The following LRRC7 variants were observed in gnomAD, a reference collection of about 807,000 sequenced individuals.
The protein encoded by LRRC7 is leucine-rich repeat-containing protein 7.
LRRC7 carries 23 observed loss-of-function variants against 175.7 expected under a neutral mutation model. That is an observed-to-expected ratio of 0.13 (90% CI 0.09 to 0.19). LRRC7 has a LOEUF of 0.19. Among genes scored for constraint, LRRC7 ranks in the 10% least tolerant of loss-of-function variants. The probability of loss-of-function intolerance (pLI) is 1.00; values close to 1 mark genes in which losing one functional copy is unlikely to be tolerated. For synonymous variants in LRRC7, 685 were observed against 680.9 expected, an observed-to-expected ratio of 1.01 and a Z score of -0.09; for missense variants, 1,354 against 1,904.7, an observed-to-expected ratio of 0.71 and a Z score of 5.38.
intron 23 of LRRC7, among the ~76,000 whole-genome samples, chr1:70,070,625 A>G (rs1662310058): frequency 6.6e-6 from 1 of 152,048 alleles, no homozygotes; most frequent in Non-Finnish European, 1.5e-5. Flanking sequence ...GGGGTGCTGC[A>G]TTGTTATGGC....
intron 1 of LRRC7, among the ~76,000 whole-genome samples, chr1:69,638,328 T>G (rs1435982154): frequency 1.3e-5 from 2 of 151,842 alleles, no homozygotes; most frequent in Non-Finnish European, 2.9e-5. Context: ...GAATAATTAA[T>G]TCAGATCTGT....
chr1:69,620,314 A>T lies in LRRC7; in HGVS notation c.2+51673A>T, dbSNP rs763298391. The stretch of plus-strand genomic sequence containing the variant: ...CTCTAATACAGTAAATATATTAGAT[A>T]TAATCCACATTTTTTAAAACAAAGC... On this transcript the variant is annotated intron_variant, in intron 1 of 26. Transcript: ENST00000651989. Among the ~76,000 whole-genome samples, 61 of 152,226 alleles carry T rather than the reference A, an allele frequency of 4.0e-4. 1 individual carries two copies. The Middle Eastern group carries it at 0.01, about 25-fold the overall frequency.
intron 1 of LRRC7, among the ~76,000 whole-genome samples, chr1:69,673,153 C>A (rs868316488): frequency 1.3e-5 from 2 of 152,052 alleles, no homozygotes; most frequent in East Asian, 1.9e-4. Context: ...TTTAGAAGCA[C>A]CTGATTAATC....
At chr1:69,985,127 G>T (rs1462290168) in intron 9 of LRRC7, among the ~76,000 whole-genome samples, 2 of 152,104 alleles carry the variant, frequency 1.3e-5, no homozygotes, top group Non-Finnish European at 2.9e-5. Flanking sequence ...TTGTCACAGG[G>T]TGTTATAATT....
chr1:69,944,083 T>C (rs1332403324), intron 8 of LRRC7, among the ~76,000 whole-genome samples: 1 of 152,004 alleles, frequency 6.6e-6, no homozygotes, highest in East Asian at 1.9e-4. Flanking sequence ...CTAGAACTTT[T>C]CTATCTTCCA....
At chr1:69,684,446 A>G (rs1400580879) in intron 2 of LRRC7, among the ~76,000 whole-genome samples, 1 of 152,172 alleles carries the variant, frequency 6.6e-6, no homozygotes, top group Non-Finnish European at 1.5e-5. Flanking sequence ...GAGAGTTGGA[A>G]GGAAGGTGAA....
intron 7 of LRRC7, among the ~76,000 whole-genome samples, chr1:69,871,968 T>C (rs908219610): frequency 4.6e-5 from 7 of 152,024 alleles, no homozygotes; most frequent in African/African-American, 1.7e-4. Flanking sequence ...TTACATTCTA[T>C]TGTGAAAATA....
intron 12 of LRRC7, 47 bp from the exon 13 acceptor site, chr1:70,012,927 A>G: frequency 1.1e-6 from 1 of 909,850 alleles, no homozygotes; most frequent in South Asian, 1.9e-5. Context: ...ATATAAAAAT[A>G]GTATTGTGGT....
chr1:69,886,616 CA>C (rs1645628634), intron 7 of LRRC7, among the ~76,000 whole-genome samples: 1 of 149,538 alleles, frequency 6.7e-6, no homozygotes, highest in South Asian at 2.1e-4. Flanking sequence ...AGCCCATTTA[CA>C]TTTAAAGTTA....
At chr1:69,916,120 T>G (rs9425144) in intron 7 of LRRC7, among the ~76,000 whole-genome samples, 5 of 140,212 alleles carry the variant, frequency 3.6e-5, no homozygotes, top group African/African-American at 1.3e-4. Flanking sequence ...ATATATATTA[T>G]ATACATATTT....
intron 1 of LRRC7, among the ~76,000 whole-genome samples, chr1:69,614,289 C>T (rs1649277519): frequency 6.6e-6 from 1 of 152,032 alleles, no homozygotes; most frequent in South Asian, 2.1e-4. Flanking sequence ...CACAGGTCCT[C>T]TCCTCAGATT....
At chr1:70,063,689 C>G (rs1318730482) in intron 23 of LRRC7, among the ~76,000 whole-genome samples, 1 of 152,118 alleles carries the variant, frequency 6.6e-6, no homozygotes, top group Non-Finnish European at 1.5e-5. Context: ...AAATTGTTGT[C>G]AAACTTTTAT....
intron 1 of LRRC7, among the ~76,000 whole-genome samples, chr1:69,572,174 T>A (rs1295648568): frequency 6.6e-6 from 1 of 152,168 alleles, no homozygotes; most frequent in Non-Finnish European, 1.5e-5. Flanking sequence ...TGGAGATGAC[T>A]CTAGGCTCTT....
intron 7 of LRRC7, among the ~76,000 whole-genome samples, chr1:69,855,730 A>C (rs1683528810): frequency 6.6e-6 from 1 of 152,104 alleles, no homozygotes; most frequent in South Asian, 2.1e-4. Context: ...GTGGGGTGTT[A>C]AAGTCTCCCA....
intron 1 of LRRC7, among the ~76,000 whole-genome samples, chr1:69,678,069 C>A (rs557700939): frequency 6.6e-6 from 1 of 152,218 alleles, no homozygotes; most frequent in Admixed American, 6.6e-5. Flanking sequence ...TCAAATCACA[C>A]TGGGGGCTGG....
chr1:69,684,080 G>C (rs1660820960), intron 2 of LRRC7, among the ~76,000 whole-genome samples: 2 of 152,096 alleles, frequency 1.3e-5, no homozygotes, highest in Non-Finnish European at 2.9e-5. Context: ...TAAAATATCT[G>C]ATTGTATATT....
intron 2 of LRRC7, among the ~76,000 whole-genome samples, chr1:69,729,486 C>T (rs1667330497): frequency 6.6e-6 from 1 of 152,082 alleles, no homozygotes; most frequent in South Asian, 2.1e-4. Context: ...AACAAAGGAG[C>T]CACAGGCCCC....
intron 1 of LRRC7, among the ~76,000 whole-genome samples, chr1:69,633,830 C>A (rs1652897575): frequency 6.6e-6 from 1 of 152,090 alleles, no homozygotes; most frequent in Non-Finnish European, 1.5e-5. Context: ...AGACCCCTCA[C>A]CCTGGCAAGA....
intron 4 of LRRC7, among the ~76,000 whole-genome samples, chr1:69,815,580 T>C (rs542910213): frequency 6.6e-6 from 1 of 152,318 alleles, no homozygotes; most frequent in East Asian, 1.9e-4. Flanking sequence ...CAGCTAGGCT[T>C]GACACCAAAA....
Sources: allele counts gnomAD v4.1 joint callset (sites outside exome capture counted in the v4.1 genomes callset), GRCh38; gene constraint gnomAD v4.1.1; transcripts MANE v1.5; gene names NCBI Gene and HGNC (gene_info 2026-07-23, HGNC 2026-07-21).